Variants in VASH1 observed in about 807,000 individuals in gnomAD.
The protein encoded by VASH1 is vasohibin 1.
Under a neutral mutation model 35.0 loss-of-function variants are expected in VASH1, and 16 were observed. The observed-to-expected ratio is 0.46, with a 90% CI of 0.31 to 0.70. The LOEUF (loss-of-function observed/expected upper bound fraction) is 0.70. VASH1 is among the 30% of genes least tolerant of loss of function. The pLI, the probability that VASH1 is intolerant of heterozygous loss-of-function variation, is 0.05. For missense variants in VASH1, 505 were observed against 510.7 expected, an observed-to-expected ratio of 0.99 and a Z score of 0.11; for synonymous variants, 214 against 200.9, an observed-to-expected ratio of 1.07 and a Z score of -0.55.
In VASH1 at chr14:76,762,528, G is replaced by T; in HGVS notation, c.-294G>T. On this transcript the variant is annotated 5_prime_UTR_variant, in exon 1 of 7. Coordinates refer to ENST00000167106, the MANE Select transcript of VASH1 (RefSeq NM_014909.5). ...CTGCCCGTCATTGTTCTCGCAGTTAGATGGGGGTGCTTTGTGACGGCTGCC... is the reference window on the plus strand; with the variant it reads ...CTGCCCGTCATTGTTCTCGCAGTTATATGGGGGTGCTTTGTGACGGCTGCC... 1 of 269,418 alleles carries T rather than the reference G, an allele frequency of 3.7e-6. No individual in the cohort carries two copies. Among genetic ancestry groups the T allele is most frequent in the Non-Finnish European group, 7.0e-6 (1 of 143,372 alleles). 16.7% of individuals were successfully genotyped at this position (269,418 alleles called of 1,614,324 possible). A position where few individuals can be genotyped will look rare whatever the true frequency, so the allele number is the denominator to read the frequency against.
intron 1 of VASH1, among the ~76,000 whole-genome samples, chr14:76,765,029 G>A (rs548536957): frequency 1.2e-4 from 19 of 152,194 alleles, no homozygotes; most frequent in African/African-American, 4.1e-4. Context: ...TTTATCAAGC[G>A]GCAAGACTGG....
In VASH1 at chr14:76,773,225, C is replaced by G; in HGVS notation, c.530+14C>G. 1 of 1,613,756 alleles carries G rather than the reference C, an allele frequency of 6.2e-7. No homozygotes were observed. Among genetic ancestry groups the G allele is most frequent in the Non-Finnish European group, 8.5e-7 (1 of 1,179,744 alleles). On this transcript the variant is annotated intron_variant, in intron 4 of 6. Coordinates refer to ENST00000167106, the MANE Select transcript of VASH1 (RefSeq NM_014909.5). The stretch of plus-strand genomic sequence containing the variant: ...GATCCTGGGAATGTATCCTTCCTCA[C>G]CTGAAGGGGAGGGGTCCGGGCTTCT...
At chr14:76,777,594 G>GC (rs1422772861) in intron 5 of VASH1, among the ~76,000 whole-genome samples, 1 of 152,336 alleles carries the variant, frequency 6.6e-6, no homozygotes, top group African/African-American at 2.4e-5. Context: ...GAGATACCCA[G>GC]CATCACCCTT....
In VASH1 at chr14:76,779,128, GGCT is replaced by G; in HGVS notation, c.*113_*115del. On this transcript the variant is annotated 3_prime_UTR_variant, in exon 7 of 7. Coordinates refer to ENST00000167106, the MANE Select transcript of VASH1 (RefSeq NM_014909.5). ...GGGCTGGTGACAAGGCAGGGCAAGA[GGCT>G]GCAGGAAGAGTGTGTTCCAGCTCAG... is the stretch of plus-strand genomic sequence containing the variant. 1 of 1,222,786 alleles carries G rather than the reference GGCT, an allele frequency of 8.2e-7. No homozygotes were observed. Among genetic ancestry groups the G allele is most frequent in the Non-Finnish European group, 1.2e-6 (1 of 838,780 alleles). The allele number at this position is 1,222,786 out of a possible 1,614,324, so 75.7% of individuals were successfully genotyped here.
intron 2 of VASH1, 42 bp downstream of exon 2, chr14:76,770,093 T>C: frequency 1.9e-6 from 3 of 1,572,410 alleles, no homozygotes; most frequent in Non-Finnish European, 2.6e-6. Context: ...TTCTGGCCGG[T>C]GTGGTGGGCC....
Position 76,779,285 on chromosome 14 carries a change from A to G in VASH1, c.*267A>G, listed in dbSNP as rs1381889191. 5.7e-6 allele frequency: 4 copies of G among 702,178 alleles called. No homozygotes were observed. The highest frequency in any genetic ancestry group is 2.0e-5 in the Admixed American group (1 of 49,982). The allele number at this position is 702,178 out of a possible 1,614,324, so 43.5% of individuals were successfully genotyped here. On this transcript the variant is annotated 3_prime_UTR_variant, in exon 7 of 7. Coordinates refer to ENST00000167106, the MANE Select transcript of VASH1 (RefSeq NM_014909.5). ...AGGTATTTGGGGAAAACTTAGTCCA[A>G]ATGGATCTGCTGATGGTGGGAAGGC...
chr14:76,779,637 C>A lies in VASH1; in HGVS notation c.*619C>A. The A allele has an allele frequency of 1.6e-6, 1 of 611,304 alleles. No individual in the cohort carries two copies. Among genetic ancestry groups the A allele is most frequent in the South Asian group, 1.9e-5 (1 of 51,558 alleles). The allele number at this position is 611,304 out of a possible 1,614,324, so 37.9% of individuals were successfully genotyped here. ...CTCGTGGCTCAGGAGAGCCTTCAGG[C>A]CCTTGAGGCCCCCATGGGCAGTGCT... On this transcript the variant is annotated 3_prime_UTR_variant, in exon 7 of 7. Transcript: ENST00000167106.
intron 1 of VASH1, 94 bp downstream of exon 1, chr14:76,763,224 G>A: frequency 8.0e-7 from 1 of 1,245,738 alleles, no homozygotes; most frequent in Non-Finnish European, 1.0e-6. Context: ...CACGGGGCAG[G>A]GGACCACTGG....
chr14:76,767,883 C>G (rs1457732274), intron 1 of VASH1, among the ~76,000 whole-genome samples: 1 of 152,218 alleles, frequency 6.6e-6, no homozygotes, highest in Non-Finnish European at 1.5e-5. Context: ...CTCCTAGGTC[C>G]TTTGTCTGCA....
intron 3 of VASH1, 40 bp from the exon 4 acceptor site, chr14:76,773,097 G>A (rs1213890057): frequency 6.2e-7 from 1 of 1,602,656 alleles, no homozygotes; most frequent in Non-Finnish European, 8.5e-7. Flanking sequence ...TGGAGGGGCT[G>A]GAGGCGCTGT....
At chr14:76,769,480 C>A in intron 1 of VASH1, 1 of 1,288,826 alleles carries the variant, frequency 7.8e-7, no homozygotes, top group Non-Finnish European at 1.0e-6. Flanking sequence ...TGGGTGGGTC[C>A]CCTACCAAGG....
At position 76,761,708 on chromosome 14, in the gene VASH1, G is replaced by GAGCCTCCGGGCTTGCGGTCCCCGCC. The variant is rs1893509545; in HGVS notation, c.-1113_-1089dup. 6.6e-6 allele frequency among the ~76,000 whole-genome samples: 1 copy of GAGCCTCCGGGCTTGCGGTCCCCGCC among 151,890 alleles called. No individual in the cohort carries two copies. Among genetic ancestry groups the GAGCCTCCGGGCTTGCGGTCCCCGCC allele is most frequent in the Admixed American group, 6.6e-5 (1 of 15,248 alleles). ...CTACATCCGCCGGCCGAGGCTGCGC[G>GAGCCTCCGGGCTTGCGGTCCCCGCC]AGCCTCCGGGCTTGCGGTCCCCGCC... On this transcript the variant is annotated 5_prime_UTR_variant, in exon 1 of 7. Transcript: ENST00000167106.
At chr14:76,771,665 A>T (rs1448841071) in intron 3 of VASH1, among the ~76,000 whole-genome samples, 2 of 152,120 alleles carry the variant, frequency 1.3e-5, no homozygotes, top group African/African-American at 4.8e-5. Context: ...ATTGCAGGGT[A>T]CTTGCATGGT....
At chr14:76,768,329 A>G (rs1235433982) in intron 1 of VASH1, among the ~76,000 whole-genome samples, 1 of 152,028 alleles carries the variant, frequency 6.6e-6, no homozygotes, top group Non-Finnish European at 1.5e-5. Flanking sequence ...CAGTTTGGGG[A>G]GGGGGAGCAA....
At chr14:76,777,207 C>T (rs2140188529) in intron 5 of VASH1, among the ~76,000 whole-genome samples, 1 of 152,358 alleles carries the variant, frequency 6.6e-6, no homozygotes, top group South Asian at 2.1e-4. Flanking sequence ...ACAGTGCCTT[C>T]CCCTAGGGCA....
At chr14:76,778,846 T>C (rs1483357402) in intron 6 of VASH1, 100 bp from the exon 7 acceptor site, 17 of 1,148,772 alleles carry the variant, frequency 1.5e-5, no homozygotes, top group Non-Finnish European at 1.3e-6. Context: ...ACTTGGAGAA[T>C]GTGGCGGGGA....
intron 6 of VASH1, 103 bp from the exon 7 acceptor site, chr14:76,778,843 G>A (rs1467975272): frequency 1.8e-6 from 2 of 1,140,684 alleles, no homozygotes; most frequent in African/African-American, 3.0e-5. Context: ...GCCACTTGGA[G>A]AATGTGGCGG....
At position 76,761,736 on chromosome 14, in the gene VASH1, G is replaced by C. The variant is rs982269161; in HGVS notation, c.-1086G>C. 6.6e-6 allele frequency among the ~76,000 whole-genome samples: 1 copy of C among 151,858 alleles called. No homozygotes were observed. Among genetic ancestry groups the C allele is most frequent in the Non-Finnish European group, 1.5e-5 (1 of 67,916 alleles). On this transcript the variant is annotated 5_prime_UTR_variant, in exon 1 of 7. Coordinates refer to ENST00000167106, the MANE Select transcript of VASH1 (RefSeq NM_014909.5). ...CCTCCGGGCTTGCGGTCCCCGCCCC[G>C]CGGTCCTTCCTCCACCCTCAGCCAG...
chr14:76,777,231 G>A (rs1893969851), intron 5 of VASH1, among the ~76,000 whole-genome samples: 1 of 152,244 alleles, frequency 6.6e-6, no homozygotes, highest in Non-Finnish European at 1.5e-5. Context: ...GCAGGCTGCA[G>A]CCAACCCTGC....
Sources: gnomAD v4.1 joint callset for allele counts (sites outside exome capture counted in the v4.1 genomes callset) on GRCh38, gnomAD v4.1.1 for gene constraint, MANE v1.5 for transcripts, NCBI Gene and HGNC (gene_info 2026-07-23, HGNC 2026-07-21) for gene names.